Variants in WWOX observed in about 807,000 individuals in gnomAD.
WWOX encodes WW domain containing oxidoreductase.
A neutral mutation model predicts 46.2 loss-of-function variants in WWOX; 69 were observed. The ratio of observed to expected loss-of-function variants is 1.49; its 90% CI spans 1.23 to 1.82. WWOX has a LOEUF of 1.82. WWOX is among the 40% of genes most tolerant of loss of function. WWOX has a pLI of 0.00. For missense variants in WWOX, 919 were observed against 542.6 expected (o/e 1.69, Z -6.89); for synonymous variants, 359 against 202.6 (o/e 1.77, Z -6.56).
intron 8 of WWOX, among the ~76,000 whole-genome samples, chr16:79,049,456 C>G (rs1422176698): frequency 6.6e-6 from 1 of 152,158 alleles, no homozygotes; most frequent in African/African-American, 2.4e-5. Flanking sequence ...ACAGCTGTCA[C>G]CCATTTGCAG....
intron 8 of WWOX, among the ~76,000 whole-genome samples, chr16:78,625,806 C>T (rs1241187375): frequency 8.7e-6 from 1 of 115,156 alleles, no homozygotes; most frequent in Admixed American, 9.3e-5. Context: ...ATGGCAAAAA[C>T]TGCAAAAGTA....
rs373148311 is a variant in WWOX, at chr16:79,211,735, G to A, written c.1184G>A (p.Arg395Gln). The A allele has an allele frequency of 5.0e-5, 80 of 1,614,064 alleles. No homozygotes were observed. The highest frequency in any genetic ancestry group is 8.8e-5 in the South Asian group (8 of 91,082). Residue 395 changes from arginine (R) to glutamine (Q), a missense_variant, in exon 9 of 9, where the codon CGG becomes CAG. Physicochemically the swap from Arg to Gln is conservative, Grantham distance 43 (BLOSUM62 1). Coordinates refer to ENST00000566780, the MANE Select transcript of WWOX (RefSeq NM_016373.4). ...GAAGCTCAGAGCGAAGAGACGGCCC[G>A]GACCCTGTGGGCGCTCAGCGAGAGG... ...SPEAQSEETA[R>Q]TLWALSERLI...
intron 5 of WWOX, among the ~76,000 whole-genome samples, chr16:78,269,749 T>C (rs1335299748): frequency 6.6e-6 from 1 of 152,130 alleles, no homozygotes; most frequent in Non-Finnish European, 1.5e-5. Context: ...GTAGAATTAA[T>C]TATTTATTAT....
intron 8 of WWOX, among the ~76,000 whole-genome samples, chr16:78,651,815 A>G (rs2046971582): frequency 6.6e-6 from 1 of 152,112 alleles, no homozygotes; most frequent in Non-Finnish European, 1.5e-5. Context: ...CTTCTAACAA[A>G]CTGATTGGTT....
chr16:78,711,439 C>T (rs961107965), intron 8 of WWOX, among the ~76,000 whole-genome samples: 2 of 152,154 alleles, frequency 1.3e-5, no homozygotes, highest in Non-Finnish European at 2.9e-5. Context: ...CACTCAGAAT[C>T]TTGTTGAATA....
intron 8 of WWOX, among the ~76,000 whole-genome samples, chr16:78,629,140 C>T (rs1373074390): frequency 1.3e-5 from 2 of 152,060 alleles, no homozygotes; most frequent in East Asian, 3.9e-4. Context: ...TTTCAAAGGG[C>T]ACCACTGCTC....
chr16:78,523,726 C>G (rs2043397970), intron 8 of WWOX, among the ~76,000 whole-genome samples: 1 of 152,158 alleles, frequency 6.6e-6, no homozygotes, highest in Non-Finnish European at 1.5e-5. Context: ...GAAAGATGCT[C>G]CGTTTTCCCG....
At chr16:79,044,973 A>G (rs374409312) in intron 8 of WWOX, among the ~76,000 whole-genome samples, 5 of 152,320 alleles carry the variant, frequency 3.3e-5, no homozygotes, top group African/African-American at 1.2e-4. Context: ...AGATTTACAT[A>G]CATAATAACT....
chr16:78,761,382 C>T (rs537364322), intron 8 of WWOX, among the ~76,000 whole-genome samples: 10 of 152,226 alleles, frequency 6.6e-5, no homozygotes, highest in Non-Finnish European at 1.2e-4. Flanking sequence ...AACTCTTTAG[C>T]ATTTACATTT....
At chr16:78,109,654 T>G (rs1469652056) in intron 2 of WWOX, 124 bp from the exon 3 acceptor site, 2 of 901,164 alleles carry the variant, frequency 2.2e-6, no homozygotes, top group Admixed American at 4.0e-5. Flanking sequence ...CCAGTTGATG[T>G]GACAACTGCT....
chr16:79,205,748 G>C (rs1037727629), intron 8 of WWOX: 2 of 152,216 alleles, frequency 1.3e-5, no homozygotes, highest in Non-Finnish European at 2.9e-5. Flanking sequence ...GAAGGCCTTT[G>C]TGGGAGTCAG....
intron 8 of WWOX, among the ~76,000 whole-genome samples, chr16:78,915,565 A>G (rs1386036544): frequency 3.3e-5 from 5 of 152,202 alleles, no homozygotes; most frequent in Admixed American, 1.3e-4. Context: ...AAGATTTAAA[A>G]AAATGAAAAA....
intron 8 of WWOX, among the ~76,000 whole-genome samples, chr16:78,482,796 G>T (rs1403535546): frequency 1.3e-5 from 2 of 152,150 alleles, no homozygotes; most frequent in African/African-American, 4.8e-5. Context: ...GACGCAGAAC[G>T]TATGTTTCAT....
chr16:78,355,799 AT>A, intron 5 of WWOX: 1 of 724,440 alleles, frequency 1.4e-6, no homozygotes, highest in Non-Finnish European at 2.4e-6. Context: ...GGGAGATGGC[AT>A]TTTCCTGGTT....
intron 8 of WWOX, among the ~76,000 whole-genome samples, chr16:78,493,409 C>T (rs2084834430): frequency 6.6e-6 from 1 of 152,154 alleles, no homozygotes; most frequent in African/African-American, 2.4e-5. Flanking sequence ...GCACACAAAG[C>T]TTTGGGAACA....
intron 5 of WWOX, among the ~76,000 whole-genome samples, chr16:78,335,847 T>G (rs905335242): frequency 6.6e-6 from 1 of 152,148 alleles, no homozygotes; most frequent in Admixed American, 6.5e-5. Context: ...ATCCCACCAC[T>G]TTGTGAGGCC....
chr16:78,433,408 A>G (rs1211543230), intron 8 of WWOX, among the ~76,000 whole-genome samples: 1 of 152,194 alleles, frequency 6.6e-6, no homozygotes, highest in Non-Finnish European at 1.5e-5. Flanking sequence ...CTTCTATGAA[A>G]TGGTTTTAGT....
intron 8 of WWOX, among the ~76,000 whole-genome samples, chr16:78,965,913 G>T (rs1288429653): frequency 6.6e-6 from 1 of 152,164 alleles, no homozygotes; most frequent in Non-Finnish European, 1.5e-5. Context: ...ACAATTGGAC[G>T]AAATGGGTGA....
chr16:78,435,709 C>G (rs1294395014), intron 8 of WWOX, among the ~76,000 whole-genome samples: 1 of 152,116 alleles, frequency 6.6e-6, no homozygotes, highest in African/African-American at 2.4e-5. Flanking sequence ...CAACCTGGGA[C>G]AGTGGACCTC....
Sources: allele counts gnomAD v4.1 joint callset (sites outside exome capture counted in the v4.1 genomes callset), GRCh38; gene constraint gnomAD v4.1.1; transcripts MANE v1.5; gene names NCBI Gene and HGNC (gene_info 2026-07-23, HGNC 2026-07-21).